Variants in CLMN observed in about 807,000 individuals in gnomAD.
The protein encoded by CLMN is calmin (calponin-like, transmembrane).
Under a neutral mutation model 92.7 loss-of-function variants are expected in CLMN, and 57 were observed. The observed-to-expected ratio is 0.61, with a 90% confidence interval of 0.50 to 0.77. The LOEUF is 0.77. CLMN is among the 30% of genes least tolerant of loss of function. The pLI is 0.00. For missense variants in CLMN, 1,158 were observed against 1,237.5 expected (o/e 0.94, Z 0.96); for synonymous variants, 466 against 470.6 (o/e 0.99, Z 0.13).
chr14:95,253,422 G>A (rs1164013230), intron 1 of CLMN, among the ~76,000 whole-genome samples: 1 of 152,142 alleles, frequency 6.6e-6, no homozygotes, highest in African/African-American at 2.4e-5. Flanking sequence ...CAGCTTGGTG[G>A]TGAGACAGTT....
rs73333246 is a variant in CLMN at position 95,202,531 on chromosome 14, C to T, written c.2511+307G>A. On this transcript the variant is annotated intron_variant, in intron 9 of 12. Coordinates refer to ENST00000298912, the MANE Select transcript of CLMN (RefSeq NM_024734.4). ...TGACTGCTTTTGAAATCATTTCTGC[C>T]CCTCCTCTGCTGGACCCTCAAAGGT... Among the ~76,000 whole-genome samples, 742 of 152,238 alleles carry T rather than the reference C, an allele frequency of 4.9e-3. 9 individuals carry two copies. Among genetic ancestry groups the T allele is most frequent in the African/African-American group, 0.016 (675 of 41,532 alleles).
chr14:95,260,257 C>T (rs915936423), intron 1 of CLMN, among the ~76,000 whole-genome samples: 3 of 152,128 alleles, frequency 2.0e-5, no homozygotes, highest in East Asian at 3.9e-4. Context: ...CTGGCTAACA[C>T]GGTGAAACCC....
In CLMN at chr14:95,194,627, A is replaced by G. The variant is rs372973832; in HGVS notation, c.2709-31T>C. On this transcript the variant is annotated intron_variant, in intron 10 of 12. Coordinates refer to ENST00000298912, the MANE Select transcript of CLMN (RefSeq NM_024734.4). This position sits in a 1 kb window ranked among gnomAD's most constrained non-coding sequence, Gnocchi z 4.0. ...AAACAAACACATGTTTTGAATTGGT[A>G]CCACCTGGAGCTCTTCATGGCTCAG... 32 of 1,609,092 alleles carry G rather than the reference A, an allele frequency of 2.0e-5. No individual in the cohort carries two copies. Among genetic ancestry groups the G allele is most frequent in the Non-Finnish European group, 2.6e-5 (31 of 1,175,324 alleles).
At chr14:95,253,663 A>C (rs1898881654) in intron 1 of CLMN, among the ~76,000 whole-genome samples, 1 of 147,786 alleles carries the variant, frequency 6.8e-6, no homozygotes, top group Non-Finnish European at 1.5e-5. Flanking sequence ...CCCAGGCTGG[A>C]GTGCAGTGGC....
chr14:95,195,064 G>A (rs569298977), intron 10 of CLMN, among the ~76,000 whole-genome samples: 91 of 152,138 alleles, frequency 6.0e-4, no homozygotes, highest in Non-Finnish European at 1.2e-3. Flanking sequence ...CAGTCCTAGC[G>A]GAATGGAGGG....
chr14:95,219,246 C>T (rs144708555), intron 4 of CLMN, among the ~76,000 whole-genome samples: 5 of 152,316 alleles, frequency 3.3e-5, no homozygotes, highest in African/African-American at 1.2e-4. Context: ...GCCTGCATTA[C>T]AGCAGACTCA....
intron 6 of CLMN, among the ~76,000 whole-genome samples, chr14:95,211,670 A>G (rs1897202485): frequency 6.6e-6 from 1 of 151,778 alleles, no homozygotes; most frequent in Admixed American, 6.6e-5. Context: ...AAAAAAACCA[A>G]AAACAACCAA....
At chr14:95,274,577 C>CG (rs1899849558) in intron 1 of CLMN, among the ~76,000 whole-genome samples, 2 of 152,210 alleles carry the variant, frequency 1.3e-5, no homozygotes, top group Admixed American at 1.3e-4. Flanking sequence ...GTCCCCAAAG[C>CG]TCACACCCAG....
At position 95,256,994 on chromosome 14, in the gene CLMN, A is replaced by T. The variant is rs912438647; in HGVS notation, c.83-26861T>A. Among the ~76,000 whole-genome samples the T allele has an allele frequency of 2.6e-5, 4 of 152,216 alleles. No individual in the cohort carries two copies. The highest frequency in any genetic ancestry group is 5.9e-5 in the Non-Finnish European group (4 of 68,036). ...ATGTGTTCTGAGACTGGTTAAGCCC[A>T]CGCTCCTTGACAGACAGGAGGGGGA... On this transcript the variant is annotated intron_variant, in intron 1 of 12. Coordinates refer to ENST00000298912, the MANE Select transcript of CLMN (RefSeq NM_024734.4). This position sits in a 1 kb window ranked among gnomAD's most constrained non-coding sequence, Gnocchi z 4.9.
At chr14:95,209,283 G>A (rs1192812936) in intron 8 of CLMN, 112 bp downstream of exon 8, 66 of 920,160 alleles carry the variant, frequency 7.2e-5, no homozygotes, top group East Asian at 2.5e-5. Context: ...AGCAACTGGC[G>A]ATTTTGACTG....
At chr14:95,197,147 G>A (rs1217138622) in intron 9 of CLMN, among the ~76,000 whole-genome samples, 2 of 152,124 alleles carry the variant, frequency 1.3e-5, no homozygotes, top group East Asian at 3.9e-4. Flanking sequence ...TACTCGGGAG[G>A]TGGAGGTGGG....
intron 5 of CLMN, among the ~76,000 whole-genome samples, chr14:95,214,880 G>A (rs574767262): frequency 3.3e-5 from 5 of 152,204 alleles, no homozygotes; most frequent in Admixed American, 1.3e-4. Context: ...TTTCACTCTT[G>A]GGAGGGTAAT....
intron 1 of CLMN, among the ~76,000 whole-genome samples, chr14:95,283,880 A>G (rs774611502): frequency 2.6e-5 from 4 of 152,248 alleles, no homozygotes; most frequent in Non-Finnish European, 4.4e-5. Flanking sequence ...TTGGGGGAAG[A>G]AATTCAAGCT....
At chr14:95,230,867 C>T (rs973070567) in intron 1 of CLMN, among the ~76,000 whole-genome samples, 6 of 152,216 alleles carry the variant, frequency 3.9e-5, no homozygotes, top group Non-Finnish European at 8.8e-5. Context: ...GTTCTGCAGG[C>T]GCTTGCTGCT....
rs1161611276 is a variant in CLMN, at chr14:95,188,662, C to T, written c.*2902G>A. The T allele has an allele frequency of 3.9e-5, 6 of 152,050 alleles. No individual in the cohort carries two copies. The highest frequency in any genetic ancestry group is 1.4e-4 in the African/African-American group (6 of 41,400). The allele number at this position is 152,050 out of a possible 1,614,324, so 9.4% of individuals were successfully genotyped here. A position where few individuals can be genotyped will look rare whatever the true frequency, so the allele number is the denominator to read the frequency against. On this transcript the variant is annotated 3_prime_UTR_variant, in exon 13 of 13. Coordinates refer to ENST00000298912, the MANE Select transcript of CLMN (RefSeq NM_024734.4). The stretch of plus-strand genomic sequence containing the variant: ...CATGAAGGCCCAGCACAAGGTTTAA[C>T]ACCCGGGATACAACACCATCATGAC...
chr14:95,265,370 C>A (rs754425501), intron 1 of CLMN, among the ~76,000 whole-genome samples: 1 of 152,336 alleles, frequency 6.6e-6, no homozygotes. Flanking sequence ...AGGAATTCTG[C>A]CAGCAGGTGC....
chr14:95,251,366 C>T (rs996336115), intron 1 of CLMN, among the ~76,000 whole-genome samples: 3 of 152,204 alleles, frequency 2.0e-5, no homozygotes, highest in Non-Finnish European at 4.4e-5. Flanking sequence ...GTAAAAGGGA[C>T]TCGTCTCCTA....
At position 95,231,436 on chromosome 14, in the gene CLMN, G is replaced by A. The variant is rs575332822; in HGVS notation, c.83-1303C>T. Among the ~76,000 whole-genome samples, 35 of 152,136 alleles carry A rather than the reference G, an allele frequency of 2.3e-4. No homozygotes were observed. The South Asian group carries it at 7.3e-3, about 32-fold the overall frequency. The stretch of plus-strand genomic sequence containing the variant: ...GATGGTCTCGATCTCCTGACCTCGG[G>A]ATCCGCCCACCTCGGCCTCCCAAAG... On this transcript the variant is annotated intron_variant, in intron 1 of 12. Coordinates refer to ENST00000298912, the MANE Select transcript of CLMN (RefSeq NM_024734.4).
At chr14:95,279,787 A>T (rs544406619) in intron 1 of CLMN, among the ~76,000 whole-genome samples, 33 of 152,346 alleles carry the variant, frequency 2.2e-4, no homozygotes, top group Admixed American at 1.0e-3. Context: ...CGTCTCAAAA[A>T]ACAAAACAAA....
Sources: allele counts gnomAD v4.1 joint callset (sites outside exome capture counted in the v4.1 genomes callset), GRCh38; gene constraint gnomAD v4.1.1; non-coding constraint Gnocchi (gnomAD v3.1); transcripts MANE v1.5; gene names NCBI Gene and HGNC (gene_info 2026-07-23, HGNC 2026-07-21).